The following FAF1 variants were observed in gnomAD, a reference collection of about 807,000 sequenced individuals.
FAF1 encodes the protein FAS-associated factor 1.
In FAF1, 25 loss-of-function variants were observed where a neutral mutation model predicts 92.5. That is an observed-to-expected ratio of 0.27 (90% CI 0.20 to 0.38). The LOEUF (loss-of-function observed/expected upper bound fraction) is 0.38. Among genes scored for constraint, FAF1 ranks in the 10% least tolerant of loss-of-function variants. The pLI is 1.00. For synonymous variants in FAF1, 234 were observed against 273.2 expected (o/e 0.86, Z 1.42); for missense variants, 636 against 793.3 (o/e 0.80, Z 2.38).
intron 15 of FAF1, among the ~76,000 whole-genome samples, chr1:50,494,520 G>T (rs1162190330): frequency 6.6e-6 from 1 of 152,198 alleles, no homozygotes; most frequent in Non-Finnish European, 1.5e-5. Context: ...TGTTGCCTAG[G>T]CTATGGCTTG....
chr1:50,456,747 T>C (rs1044711316), intron 18 of FAF1, among the ~76,000 whole-genome samples: 3 of 152,140 alleles, frequency 2.0e-5, no homozygotes, highest in Non-Finnish European at 4.4e-5. Flanking sequence ...TAGGGCAGAA[T>C]GCTGACAAGA....
intron 4 of FAF1, among the ~76,000 whole-genome samples, chr1:50,751,086 C>A (rs1659847352): frequency 7.4e-6 from 1 of 136,048 alleles, no homozygotes; most frequent in Admixed American, 7.9e-5. Context: ...ACAAGCTGTA[C>A]ATCCCCATAT....
chr1:50,829,996 A>G (rs1449062038), intron 2 of FAF1, among the ~76,000 whole-genome samples: 2 of 152,236 alleles, frequency 1.3e-5, no homozygotes, highest in African/African-American at 2.4e-5. Flanking sequence ...TTTTAGGTTC[A>G]GGTGGGCTGA....
chr1:50,750,838 G>C (rs537185298), intron 4 of FAF1, among the ~76,000 whole-genome samples: 44 of 151,490 alleles, frequency 2.9e-4, no homozygotes, highest in Admixed American at 5.3e-4. Context: ...GGCCAGGCTG[G>C]TCTCAAACTC....
intron 6 of FAF1, among the ~76,000 whole-genome samples, chr1:50,723,153 T>G (rs1193011968): frequency 6.6e-6 from 1 of 152,050 alleles, no homozygotes; most frequent in Non-Finnish European, 1.5e-5. Flanking sequence ...GTAATCCTAG[T>G]ACTTTGGGAG....
chr1:50,746,955 C>T (rs1659656064), intron 4 of FAF1, among the ~76,000 whole-genome samples: 1 of 152,206 alleles, frequency 6.6e-6, no homozygotes, highest in Non-Finnish European at 1.5e-5. Flanking sequence ...TGGGCCGCTG[C>T]TTCCATGTGG....
intron 8 of FAF1, among the ~76,000 whole-genome samples, chr1:50,617,122 G>A (rs994670747): frequency 6.6e-6 from 1 of 152,172 alleles, no homozygotes; most frequent in Non-Finnish European, 1.5e-5. Flanking sequence ...CCATTTGGAT[G>A]CCTTTCATTT....
chr1:50,738,542 G>C (rs888754652), intron 6 of FAF1, among the ~76,000 whole-genome samples: 1 of 151,710 alleles, frequency 6.6e-6, no homozygotes, highest in Non-Finnish European at 1.5e-5. Flanking sequence ...TTAGCAATGA[G>C]AGAGATTGGA....
At chr1:50,927,775 C>A (rs1480695882) in intron 1 of FAF1, among the ~76,000 whole-genome samples, 1 of 152,084 alleles carries the variant, frequency 6.6e-6, no homozygotes, top group Non-Finnish European at 1.5e-5. Flanking sequence ...AAGGTGTCAG[C>A]AGTTTGCGTG....
intron 7 of FAF1, among the ~76,000 whole-genome samples, chr1:50,682,016 G>A (rs547834052): frequency 2.7e-5 from 4 of 150,876 alleles, no homozygotes; most frequent in South Asian, 4.2e-4. Context: ...GTATTTTTTT[G>A]TAGAGTCAGG....
At chr1:50,897,915 GATCTC>G (rs1399276481) in intron 1 of FAF1, among the ~76,000 whole-genome samples, 2 of 152,048 alleles carry the variant, frequency 1.3e-5, no homozygotes, top group Non-Finnish European at 2.9e-5. Context: ...ATTTATCTGT[GATCTC>G]ATCAGAGGAT....
At chr1:50,808,461 G>A (rs546023924) in intron 2 of FAF1, among the ~76,000 whole-genome samples, 6 of 152,098 alleles carry the variant, frequency 3.9e-5, no homozygotes, top group Non-Finnish European at 8.8e-5. Flanking sequence ...GGCACAGACT[G>A]GCAAGTTGGA....
intron 17 of FAF1, 118 bp downstream of exon 17, chr1:50,490,470 G>A (rs1646823832): frequency 1.7e-6 from 1 of 582,804 alleles, no homozygotes; most frequent in Non-Finnish European, 3.1e-6. Flanking sequence ...GAAAAAGAAA[G>A]AAGGAAGGAA....
intron 7 of FAF1, among the ~76,000 whole-genome samples, chr1:50,684,038 T>G (rs1656543626): frequency 6.6e-6 from 1 of 152,206 alleles, no homozygotes; most frequent in Non-Finnish European, 1.5e-5. Context: ...AGTTACCTCT[T>G]ATAATGTGAA....
At chr1:50,861,516 C>T (rs1487375616) in intron 1 of FAF1, among the ~76,000 whole-genome samples, 1 of 151,624 alleles carries the variant, frequency 6.6e-6, no homozygotes, top group Non-Finnish European at 1.5e-5. Flanking sequence ...CATAAACATA[C>T]AGAGTAGAAT....
At chr1:50,673,042 G>A (rs1655965400) in intron 7 of FAF1, among the ~76,000 whole-genome samples, 1 of 152,114 alleles carries the variant, frequency 6.6e-6, no homozygotes, top group Non-Finnish European at 1.5e-5. Flanking sequence ...TGGATTACCT[G>A]AGGTCCAGAG....
rs1557505671 is a variant in FAF1 at position 50,744,704 on chromosome 1, T to C, written c.439A>G (p.Thr147Ala). The C allele has an allele frequency of 1.2e-6, 2 of 1,608,442 alleles. No individual in the cohort carries two copies. Among genetic ancestry groups the C allele is most frequent in the Middle Eastern group, 3.3e-4 (2 of 6,048 alleles). The change falls in exon 5 of 19, where the codon ACG (threonine) becomes GCG (alanine). Residue 147 changes from threonine to alanine, a missense_variant. Physicochemically the swap from Thr to Ala is moderately conservative, Grantham distance 58. Transcript: ENST00000396153. ...VSKMLLKGWK[T>A]GDVEDSTVLK... ...CTCACACTGTCTTCCACATCTCCCG[T>C]CTTCCAGCCTTTTAACAGCATTTTG...
rs372773840 is a variant in FAF1 at position 50,931,888 on chromosome 1, A to AAATAAAT, written c.45+27878_45+27879insATTTATT. ...GACTCTGTCTCAAAAATAAATAAATAAATAATAATAATAATAATAATAATA... is the reference window on the plus strand; with the variant it reads ...GACTCTGTCTCAAAAATAAATAAATAAATAAATAATAATAATAATAATAATAATAATA... On this transcript the variant is annotated intron_variant, in intron 1 of 18. Transcript: ENST00000396153. Among the ~76,000 whole-genome samples the AAATAAAT allele has an allele frequency of 2.7e-3, 349 of 129,466 alleles. 1 individual carries two copies. Among genetic ancestry groups the AAATAAAT allele is most frequent in the African/African-American group, 6.6e-3 (224 of 34,116 alleles). The allele number at this position is 129,466 out of a possible 152,430, so 84.9% of individuals were successfully genotyped here. A position where few individuals can be genotyped will look rare whatever the true frequency, so the allele number is the denominator to read the frequency against.
chr1:50,623,772 T>A (rs1276888151), intron 8 of FAF1, among the ~76,000 whole-genome samples: 1 of 151,436 alleles, frequency 6.6e-6, no homozygotes, highest in Non-Finnish European at 1.5e-5. Flanking sequence ...CAAAACCCTG[T>A]CTCTACAAAA....
Sources: allele counts gnomAD v4.1 joint callset (sites outside exome capture counted in the v4.1 genomes callset), GRCh38; gene constraint gnomAD v4.1.1; transcripts MANE v1.5; gene names NCBI Gene and HGNC (gene_info 2026-07-23, HGNC 2026-07-21).